The following SLC35F1 variants were observed in gnomAD, a reference collection of about 807,000 sequenced individuals.
The protein encoded by SLC35F1 is chromosome 6 open reading frame 169.
A neutral mutation model predicts 48.7 loss-of-function variants in SLC35F1; 14 were observed. The ratio of observed to expected loss-of-function variants is 0.29; its 90% CI spans 0.19 to 0.45. The LOEUF is 0.45. Among genes scored for constraint, SLC35F1 ranks in the 20% least tolerant of loss-of-function variants. The pLI, the probability that SLC35F1 is intolerant of heterozygous loss-of-function variation, is 1.00. For missense variants in SLC35F1, 404 were observed against 500.0 expected, an observed-to-expected ratio of 0.81 and a Z score of 1.83; for synonymous variants, 190 against 202.2, an observed-to-expected ratio of 0.94 and a Z score of 0.51.
chr6:118,155,353 G>A (rs770325921), intron 2 of SLC35F1, among the ~76,000 whole-genome samples: 19 of 152,126 alleles, frequency 1.2e-4, no homozygotes, highest in Non-Finnish European at 2.5e-4. Flanking sequence ...TTAAGAGGTG[G>A]GAGTATTAAG....
At chr6:118,122,008 A>G (rs1773558919) in intron 1 of SLC35F1, among the ~76,000 whole-genome samples, 1 of 152,126 alleles carries the variant, frequency 6.6e-6, no homozygotes, top group Admixed American at 6.6e-5. Flanking sequence ...TCAAAGTTAT[A>G]TATTTTTTAA....
chr6:118,136,336 A>G (rs940413733), intron 1 of SLC35F1, among the ~76,000 whole-genome samples: 3 of 152,218 alleles, frequency 2.0e-5, no homozygotes, highest in Non-Finnish European at 4.4e-5. Context: ...ATAGAGACAT[A>G]AAGTTGTCCC....
Position 117,920,913 on chromosome 6 carries a change from G to A in SLC35F1, c.173+13014G>A, listed in dbSNP as rs564277257. Among the ~76,000 whole-genome samples the A allele has an allele frequency of 9.2e-5, 14 of 151,814 alleles. No homozygotes were observed. In the South Asian group the frequency reaches 1.0e-3, roughly 11 times the overall value. ...ATATTTCCTTTCTGAATATTCATGG[G>A]GGATATATAAATATTTAAATATAAC... On this transcript the variant is annotated intron_variant, in intron 1 of 7. Coordinates refer to ENST00000360388, the MANE Select transcript of SLC35F1 (RefSeq NM_001029858.4).
intron 3 of SLC35F1, among the ~76,000 whole-genome samples, chr6:118,252,448 G>A (rs1582753094): frequency 6.6e-6 from 1 of 152,148 alleles, no homozygotes; most frequent in Admixed American, 6.5e-5. Context: ...CGGGGGAATG[G>A]TTGTGCCATG....
intron 2 of SLC35F1, among the ~76,000 whole-genome samples, chr6:118,203,764 A>G (rs1445456791): frequency 6.6e-6 from 1 of 152,222 alleles, no homozygotes; most frequent in Non-Finnish European, 1.5e-5. Context: ...GCAACTATAC[A>G]TGCCATTTGC....
chr6:118,108,926 C>T (rs1030381824), intron 1 of SLC35F1, among the ~76,000 whole-genome samples: 1 of 152,088 alleles, frequency 6.6e-6, no homozygotes, highest in Admixed American at 6.6e-5. Flanking sequence ...TTGAATTATT[C>T]TAAAGTCCTC....
At chr6:118,161,523 C>CTGTCACTTA (rs1554232255) in intron 2 of SLC35F1, among the ~76,000 whole-genome samples, 2 of 152,186 alleles carry the variant, frequency 1.3e-5, no homozygotes, top group East Asian at 3.8e-4. Context: ...AGAAATAGTA[C>CTGTCACTTA]TGTCACTTAC....
At chr6:117,939,914 C>T (rs753916035) in intron 1 of SLC35F1, among the ~76,000 whole-genome samples, 14 of 152,084 alleles carry the variant, frequency 9.2e-5, no homozygotes, top group Non-Finnish European at 2.1e-4. Context: ...GGTCCTATAG[C>T]CCTGTGGCCC....
chr6:118,213,571 G>A (rs1775035209), intron 2 of SLC35F1, among the ~76,000 whole-genome samples: 1 of 152,140 alleles, frequency 6.6e-6, no homozygotes, highest in African/African-American at 2.4e-5. Flanking sequence ...AATAAACTGT[G>A]AGTCCCACAA....
At position 117,907,763 on chromosome 6, in the gene SLC35F1, C is replaced by T; in HGVS notation, c.37C>T (p.Pro13Ser). Residue 13 changes from proline to serine, a missense_variant, in exon 1 of 8, where the codon CCG becomes TCG. Pro to Ser is a moderately conservative substitution (Grantham distance 74). Coordinates refer to ENST00000360388, the MANE Select transcript of SLC35F1 (RefSeq NM_001029858.4). ...PPEQPQQQLQ[P>S]PSPAPPNHVV... ...TGAGCAGCCGCAGCAGCAGCTGCAG[C>T]CGCCGTCGCCAGCCCCGCCGAACCA... 6.4e-7 allele frequency: 1 copy of T among 1,560,272 alleles called. No individual in the cohort carries two copies. Among genetic ancestry groups the T allele is most frequent in the Non-Finnish European group, 8.6e-7 (1 of 1,162,386 alleles).
intron 2 of SLC35F1, among the ~76,000 whole-genome samples, chr6:118,158,543 T>C (rs1381819729): frequency 2.6e-5 from 4 of 152,244 alleles, no homozygotes; most frequent in African/African-American, 9.6e-5. Flanking sequence ...AAATCTTTCT[T>C]TATAGTTTTA....
intron 2 of SLC35F1, among the ~76,000 whole-genome samples, chr6:118,226,026 C>A (rs2105020): frequency 0.29 from 44,609 of 151,972 alleles, 7,593 homozygotes; most frequent in East Asian, 0.63. Context: ...AACTAAATAG[C>A]AAAATGTCGA....
At chr6:118,219,152 G>A (rs1448552569) in intron 2 of SLC35F1, among the ~76,000 whole-genome samples, 1 of 152,152 alleles carries the variant, frequency 6.6e-6, no homozygotes, top group South Asian at 2.1e-4. Context: ...AAAATCTTTG[G>A]AAAGTTAAAA....
Position 118,113,015 on chromosome 6 carries a change from G to A in SLC35F1, c.174-41430G>A, listed in dbSNP as rs759567839. Among the ~76,000 whole-genome samples the A allele has an allele frequency of 1.8e-4, 28 of 152,102 alleles. 2 individuals are homozygous for A. The highest frequency in any genetic ancestry group is 1.4e-3 in the Admixed American group (22 of 15,250). ...GACAATTTAAAAATAAAGGGATGCCGTAGAATGTACAACACCAAGAGTGAA... is the reference window on the plus strand; with the variant it reads ...GACAATTTAAAAATAAAGGGATGCCATAGAATGTACAACACCAAGAGTGAA... On this transcript the variant is annotated intron_variant, in intron 1 of 7. Transcript: ENST00000360388.
chr6:118,201,866 A>C (rs979676551), intron 2 of SLC35F1, among the ~76,000 whole-genome samples: 1 of 152,188 alleles, frequency 6.6e-6, no homozygotes, highest in East Asian at 1.9e-4. Context: ...ATCATATAAT[A>C]TGTGGTTTTC....
At chr6:118,176,061 G>A (rs1195518181) in intron 2 of SLC35F1, among the ~76,000 whole-genome samples, 1 of 151,996 alleles carries the variant, frequency 6.6e-6, no homozygotes, top group Non-Finnish European at 1.5e-5. Context: ...TTTTTGGGGA[G>A]CTCTGACCAT....
intron 3 of SLC35F1, among the ~76,000 whole-genome samples, chr6:118,266,641 G>C (rs934199773): frequency 6.6e-6 from 1 of 152,070 alleles, no homozygotes; most frequent in African/African-American, 2.4e-5. Flanking sequence ...TGGGTGTACT[G>C]TCCCCGAACC....
chr6:118,313,987 T>A (rs757354487), intron 7 of SLC35F1, 41 bp from the exon 8 acceptor site: 16 of 1,586,756 alleles, frequency 1.0e-5, no homozygotes, highest in Non-Finnish European at 1.4e-5. Context: ...TCAGTGGTTC[T>A]GCCCTGGCTG....
At chr6:118,180,624 G>A (rs560603547) in intron 2 of SLC35F1, among the ~76,000 whole-genome samples, 3 of 152,042 alleles carry the variant, frequency 2.0e-5, no homozygotes, top group Admixed American at 6.6e-5. Context: ...GAGAATTAGC[G>A]AACTGAAAGT....
Sources: gnomAD v4.1 joint callset for allele counts (sites outside exome capture counted in the v4.1 genomes callset) on GRCh38, gnomAD v4.1.1 for gene constraint, MANE v1.5 for transcripts, NCBI Gene and HGNC (gene_info 2026-07-23, HGNC 2026-07-21) for gene names.